The following CEP85L variants were observed in gnomAD, a reference collection of about 807,000 sequenced individuals.
The protein encoded by CEP85L is centrosomal protein of 85 kDa-like.
In CEP85L, 60 loss-of-function variants were observed where a neutral mutation model predicts 100.3. The ratio of observed to expected loss-of-function variants is 0.60; its 90% confidence interval spans 0.49 to 0.74. The LOEUF is 0.74. CEP85L is among the 30% of genes least tolerant of loss of function. The pLI, the probability that CEP85L is intolerant of heterozygous loss-of-function variation, is 0.00. For missense variants in CEP85L, 973 were observed against 936.2 expected, an observed-to-expected ratio of 1.04 and a Z score of -0.51; for synonymous variants, 319 against 322.7, an observed-to-expected ratio of 0.99 and a Z score of 0.12.
At chr6:118,665,489 G>T (rs1450493965) in intron 1 of CEP85L, among the ~76,000 whole-genome samples, 1 of 152,020 alleles carries the variant, frequency 6.6e-6, no homozygotes. Flanking sequence ...CTCCCAAGTA[G>T]CTGGGACTAC....
At chr6:118,651,884 G>A, upstream of CEP85L, 1 of 985,486 alleles carries the variant, frequency 1.0e-6, no homozygotes, top group Non-Finnish European at 1.2e-6. Context: ...AATCCCTCAC[G>A]CCCTCCCTCC....
rs1775064072 is a variant in CEP85L, at chr6:118,498,495, G to T, written c.1258-6630C>A. 2.0e-5 allele frequency among the ~76,000 whole-genome samples: 3 copies of T among 151,352 alleles called. No homozygotes were observed. In the South Asian group the frequency reaches 6.3e-4, roughly 32 times the overall value. ...GTTGGAGATTTTAACAACTGTATCAGAAATGGACAAATCTAGCAGCTTGGG... is the reference window on the plus strand; with the variant it reads ...GTTGGAGATTTTAACAACTGTATCATAAATGGACAAATCTAGCAGCTTGGG... On this transcript the variant is annotated intron_variant, in intron 5 of 12. Transcript: ENST00000368491.
At chr6:118,610,795 G>A (rs560219843) in intron 2 of CEP85L, among the ~76,000 whole-genome samples, 1 of 152,206 alleles carries the variant, frequency 6.6e-6, no homozygotes, top group African/African-American at 2.4e-5. Context: ...CAATGGGGGA[G>A]GGAGGGCACA....
intron 5 of CEP85L, among the ~76,000 whole-genome samples, chr6:118,494,424 T>C (rs987194822): frequency 3.9e-5 from 6 of 152,180 alleles, no homozygotes; most frequent in African/African-American, 1.4e-4. Flanking sequence ...CCTAAACTGC[T>C]GGGGTTTTAT....
intron 1 of CEP85L, among the ~76,000 whole-genome samples, chr6:118,678,065 T>G (rs1776536956): frequency 6.6e-6 from 1 of 152,234 alleles, no homozygotes; most frequent in Admixed American, 6.5e-5. Flanking sequence ...TCAAGGACAC[T>G]TCATAATTTG....
intron 2 of CEP85L, among the ~76,000 whole-genome samples, chr6:118,621,793 C>T (rs1773461799): frequency 6.6e-6 from 1 of 152,202 alleles, no homozygotes; most frequent in Non-Finnish European, 1.5e-5. Context: ...GAAACAGTTG[C>T]AGGGATTCCT....
intron 2 of CEP85L, among the ~76,000 whole-genome samples, chr6:118,612,468 C>T (rs1772691819): frequency 6.7e-6 from 1 of 148,292 alleles, no homozygotes; most frequent in African/African-American, 2.5e-5. Context: ...TCCTGGCTAA[C>T]ATAGTGAAAC....
chr6:118,610,054 A>G (rs1333424252), intron 2 of CEP85L, among the ~76,000 whole-genome samples: 3 of 141,782 alleles, frequency 2.1e-5, no homozygotes, highest in African/African-American at 7.3e-5. Context: ...AAGCAATGAT[A>G]ATGATGTAAA....
chr6:118,661,077 G>C (rs983184603), intron 1 of CEP85L, among the ~76,000 whole-genome samples: 2 of 151,912 alleles, frequency 1.3e-5, no homozygotes, highest in African/African-American at 4.8e-5. Context: ...AGTAGAGATA[G>C]GGTTTCACTG....
chr6:118,491,138 C>T (rs1446624124), intron 6 of CEP85L, among the ~76,000 whole-genome samples: 4 of 150,968 alleles, frequency 2.6e-5, no homozygotes, highest in African/African-American at 7.3e-5. Flanking sequence ...TTGTTGTACT[C>T]GTTTACATTC....
chr6:118,575,574 C>A (rs1303596630), intron 2 of CEP85L, among the ~76,000 whole-genome samples: 1 of 152,152 alleles, frequency 6.6e-6, no homozygotes, highest in Admixed American at 6.5e-5. Context: ...CTTCCCTCCC[C>A]ACTTCAAGCA....
At chr6:118,622,719 G>T (rs1773531543) in intron 2 of CEP85L, among the ~76,000 whole-genome samples, 1 of 152,218 alleles carries the variant, frequency 6.6e-6, no homozygotes, top group African/African-American at 2.4e-5. Context: ...CCTCTCAGGG[G>T]ACACCCATTA....
At chr6:118,659,829 AAGATG>A (rs1323735611) in intron 1 of CEP85L, among the ~76,000 whole-genome samples, 2 of 152,234 alleles carry the variant, frequency 1.3e-5, no homozygotes, top group Non-Finnish European at 2.9e-5. Flanking sequence ...AGCTTGCCCT[AAGATG>A]GCCCCTGAAT....
chr6:118,525,646 T>C (rs1477307360), intron 3 of CEP85L, among the ~76,000 whole-genome samples: 1 of 152,170 alleles, frequency 6.6e-6, no homozygotes, highest in Non-Finnish European at 1.5e-5. Context: ...ATGGGACAAA[T>C]TCTGCTTCAC....
chr6:118,466,026 CAGAG>C (rs770970753), intron 12 of CEP85L, among the ~76,000 whole-genome samples: 1 of 151,892 alleles, frequency 6.6e-6, no homozygotes, highest in Non-Finnish European at 1.5e-5. Context: ...CACACACACA[CAGAG>C]GGAGAGCGGG....
chr6:118,645,332 C>T (rs1284472804), intron 1 of CEP85L, among the ~76,000 whole-genome samples: 1 of 152,194 alleles, frequency 6.6e-6, no homozygotes, highest in Non-Finnish European at 1.5e-5. Flanking sequence ...TTAACACTAG[C>T]TGCATCATCT....
At chr6:118,684,582 A>G (rs1776771707) in intron 1 of CEP85L, among the ~76,000 whole-genome samples, 1 of 152,254 alleles carries the variant, frequency 6.6e-6, no homozygotes, top group Admixed American at 6.5e-5. Flanking sequence ...TAAATATCTC[A>G]TAAATTATTA....
At chr6:118,483,062 CT>C (rs1418914991) in intron 7 of CEP85L, among the ~76,000 whole-genome samples, 3 of 152,054 alleles carry the variant, frequency 2.0e-5, no homozygotes, top group African/African-American at 4.8e-5. Context: ...AGGCACACCC[CT>C]GTAACAAAAA....
rs548682410 is a variant in CEP85L, at chr6:118,541,181, C to T, written c.1021-17261G>A. Among the ~76,000 whole-genome samples the T allele has an allele frequency of 3.9e-5, 6 of 152,310 alleles. No homozygotes were observed. The East Asian group carries it at 1.2e-3, about 29-fold the overall frequency. On this transcript the variant is annotated intron_variant, in intron 3 of 12. Transcript: ENST00000368491. Reference sequence around the variant, plus strand: ...CGGGGCAGCCTTACAAATGACTTTGCCAAAGGCATCCTCTTGATCCTAATG... The same window carrying T: ...CGGGGCAGCCTTACAAATGACTTTGTCAAAGGCATCCTCTTGATCCTAATG...
Sources: allele counts gnomAD v4.1 joint callset (sites outside exome capture counted in the v4.1 genomes callset), GRCh38; gene constraint gnomAD v4.1.1; transcripts MANE v1.5; gene names NCBI Gene and HGNC (gene_info 2026-07-23, HGNC 2026-07-21).